APBA1: variants seen among roughly 807,000 people sequenced by gnomAD.
The protein encoded by APBA1 is amyloid-beta A4 precursor protein-binding family A member 1.
In APBA1, 55 loss-of-function variants were observed where a neutral mutation model predicts 86.6. The ratio of observed to expected loss-of-function variants is 0.64; its 90% CI spans 0.51 to 0.80. The LOEUF (loss-of-function observed/expected upper bound fraction) is 0.80, where lower values mean the gene tolerates loss of function less well. APBA1 is among the 30% of genes least tolerant of loss of function. The pLI is 0.00. For missense variants in APBA1, 1,090 were observed against 1,183.0 expected (o/e 0.92, Z 1.15); for synonymous variants, 511 against 493.9 (o/e 1.03, Z -0.46).
At chr9:69,657,026 TAGTAG>T (rs1243064741) in intron 1 of APBA1, among the ~76,000 whole-genome samples, 1 of 151,830 alleles carries the variant, frequency 6.6e-6, no homozygotes, top group Non-Finnish European at 1.5e-5. Flanking sequence ...TTTGTATTTT[TAGTAG>T]AGACGGGGTT....
intron 1 of APBA1, among the ~76,000 whole-genome samples, chr9:69,527,565 G>C (rs1836363925): frequency 6.6e-6 from 1 of 152,132 alleles, no homozygotes; most frequent in Admixed American, 6.6e-5. Context: ...ACTTAGAGCT[G>C]AAAGGGGTGG....
intron 8 of APBA1, among the ~76,000 whole-genome samples, chr9:69,453,100 A>G (rs183684778): frequency 3.2e-4 from 49 of 152,344 alleles, no homozygotes; most frequent in African/African-American, 1.1e-3. Context: ...GCATTTATTA[A>G]TACATATTGT....
intron 1 of APBA1, among the ~76,000 whole-genome samples, chr9:69,560,936 G>A (rs1836937512): frequency 6.6e-6 from 1 of 152,116 alleles, no homozygotes; most frequent in African/African-American, 2.4e-5. Context: ...CATCTACCTA[G>A]GGATCAGATT....
intron 2 of APBA1, among the ~76,000 whole-genome samples, chr9:69,512,270 G>C (rs1836061911): frequency 6.6e-6 from 1 of 151,986 alleles, no homozygotes. Flanking sequence ...TTCTCTCAGT[G>C]CTGAGAGAGT....
At position 69,530,325 on chromosome 9, in the gene APBA1, TATATACAC is replaced by T. The variant is rs1442244615; in HGVS notation, c.-69-13054_-69-13047del. Among the ~76,000 whole-genome samples, 94 of 93,892 alleles carry T rather than the reference TATATACAC, an allele frequency of 1.0e-3. 2 individuals are homozygous for T. In the East Asian group the frequency reaches 0.017, roughly 17 times the overall value. The allele number at this position is 93,892 out of a possible 152,430, so 61.6% of individuals were successfully genotyped here. Reference sequence around the variant, plus strand: ...GTGTGTGTATATATATATATATATATATATACACACACACACACACACACACACACACA... The same window carrying T: ...GTGTGTGTATATATATATATATATATACACACACACACACACACACACACA... On this transcript the variant is annotated intron_variant, in intron 1 of 12. Coordinates refer to ENST00000265381, the MANE Select transcript of APBA1 (RefSeq NM_001163.4).
chr9:69,669,280 T>C (rs572363129), intron 1 of APBA1, among the ~76,000 whole-genome samples: 4 of 152,198 alleles, frequency 2.6e-5, no homozygotes, highest in African/African-American at 9.7e-5. Context: ...GGTACTACAG[T>C]TAATTCCTTT....
At chr9:69,658,426 T>C (rs904370561) in intron 1 of APBA1, among the ~76,000 whole-genome samples, 2 of 150,848 alleles carry the variant, frequency 1.3e-5, no homozygotes, top group Admixed American at 6.7e-5. Flanking sequence ...CTTTCTTTCC[T>C]TTTTGAGACA....
intron 1 of APBA1, among the ~76,000 whole-genome samples, chr9:69,580,723 A>G (rs961433781): frequency 2.0e-5 from 3 of 152,100 alleles, no homozygotes; most frequent in African/African-American, 7.2e-5. Context: ...CACTCCACTG[A>G]ACGGTGTTCC....
At chr9:69,568,685 A>G (rs1430235492) in intron 1 of APBA1, among the ~76,000 whole-genome samples, 3 of 152,202 alleles carry the variant, frequency 2.0e-5, no homozygotes, top group African/African-American at 7.2e-5. Context: ...CACATGTTCA[A>G]TGGAAGGTAA....
intron 1 of APBA1, among the ~76,000 whole-genome samples, chr9:69,518,823 T>C (rs1462299790): frequency 6.6e-6 from 1 of 151,874 alleles, no homozygotes. Context: ...TCTACTCAAC[T>C]CCCCATCACA....
intron 1 of APBA1, among the ~76,000 whole-genome samples, chr9:69,619,214 A>G (rs1483991780): frequency 6.6e-6 from 1 of 152,208 alleles, no homozygotes; most frequent in African/African-American, 2.4e-5. Flanking sequence ...AGATATCTTA[A>G]AAAGCCATAA....
Position 69,516,872 on chromosome 9 carries a change from C to T in APBA1, c.339G>A (p.Glu113=), listed in dbSNP as rs374687414. ...ACTGCACAGCATAGGCGCTCTCGTC[C>T]TCGGGGTCCTGCGCGCGCTCCGCAT... ...GYDAERAQDP[E]DESAYAVQYR... Residue 113 remains glutamate (E), a synonymous_variant, in exon 2 of 13, where the codon GAG becomes GAA. Coordinates refer to ENST00000265381, the MANE Select transcript of APBA1 (RefSeq NM_001163.4). The surrounding 1 kb of genome is among the most constrained non-coding windows in gnomAD (Gnocchi z 7.3). 3 of 1,596,308 alleles carry T rather than the reference C, an allele frequency of 1.9e-6. No individual in the cohort carries two copies. Among genetic ancestry groups the T allele is most frequent in the Non-Finnish European group, 2.5e-6 (3 of 1,176,844 alleles).
At chr9:69,646,528 C>T (rs1823393437) in intron 1 of APBA1, among the ~76,000 whole-genome samples, 1 of 151,960 alleles carries the variant, frequency 6.6e-6, no homozygotes, top group Non-Finnish European at 1.5e-5. Context: ...CCCTACTCCT[C>T]AACATCCACC....
At position 69,458,024 on chromosome 9, in the gene APBA1, G is replaced by A. The variant is rs549023317; in HGVS notation, c.1515+132C>T. The A allele has an allele frequency of 7.4e-4, 659 of 886,760 alleles. 10 individuals carry two copies. The South Asian group carries it at 0.011, about 15-fold the overall frequency. The allele number at this position is 886,760 out of a possible 1,614,324, so 54.9% of individuals were successfully genotyped here. A position where few individuals can be genotyped will look rare whatever the true frequency, so the allele number is the denominator to read the frequency against. On this transcript the variant is annotated intron_variant, in intron 6 of 12. Transcript: ENST00000265381. ...TTTGAGAAACGCTGGCTTATGGGGC[G>A]GTTCAAAAAGAAATCTGAACAAAAA... is the stretch of plus-strand genomic sequence containing the variant.
rs1433327995 is a variant in APBA1, at chr9:69,452,209, G to A, written c.1881C>T (p.Ser627=). The A allele has an allele frequency of 6.2e-7, 1 of 1,614,174 alleles. No homozygotes were observed. The highest frequency in any genetic ancestry group is 1.7e-5 in the Admixed American group (1 of 60,026). The change falls in exon 9 of 13, where the codon AGC becomes AGT. Residue 627 remains serine (S), a synonymous_variant. Transcript: ENST00000265381. ...RANGINPEDL[S]QKEYSDLLNT... is the part of the protein sequence containing the mutation. ...TGAGCAGGTCACTATACTCCTTCTG[G>A]CTGAGATCTTCGGGGTTAATCCCAT...
chr9:69,623,871 T>A (rs1822876559), intron 1 of APBA1, among the ~76,000 whole-genome samples: 1 of 152,200 alleles, frequency 6.6e-6, no homozygotes, highest in Admixed American at 6.5e-5. Flanking sequence ...CATCTTAACG[T>A]CTAATTCTCC....
chr9:69,500,910 G>A (rs1438702842), intron 2 of APBA1, among the ~76,000 whole-genome samples: 1 of 152,152 alleles, frequency 6.6e-6, no homozygotes, highest in East Asian at 1.9e-4. Flanking sequence ...TCATTTTAAA[G>A]ATGATCACAT....
chr9:69,431,812 GATGAATGACAGCAGTGATGACTGACAGCA>G (rs1380726617), intron 12 of APBA1, among the ~76,000 whole-genome samples: 3 of 152,124 alleles, frequency 2.0e-5, no homozygotes, highest in South Asian at 2.1e-4. Context: ...TGATAGCAGT[GATGAATGACAGCAGTGATGACTGACAGCA>G]ATGAATGACA....
chr9:69,455,954 A>G (rs1835088684), intron 8 of APBA1, among the ~76,000 whole-genome samples: 1 of 152,106 alleles, frequency 6.6e-6, no homozygotes. Flanking sequence ...CCTACCTGAC[A>G]TAGCCCCTGT....
Sources: allele counts gnomAD v4.1 joint callset (sites outside exome capture counted in the v4.1 genomes callset), GRCh38; gene constraint gnomAD v4.1.1; non-coding constraint Gnocchi (gnomAD v3.1); transcripts MANE v1.5; gene names NCBI Gene and HGNC (gene_info 2026-07-23, HGNC 2026-07-21).